SPNS2: variants seen among roughly 807,000 people sequenced by gnomAD.
SPNS2 encodes the protein SPNS lysolipid transporter 2, sphingosine-1-phosphate.
A neutral mutation model predicts 57.6 loss-of-function variants in SPNS2; 37 were observed. The observed-to-expected ratio is 0.64, with a 90% CI of 0.49 to 0.85. The LOEUF is 0.85. SPNS2 is among the 40% of genes least tolerant of loss of function. SPNS2 has a pLI of 0.00. For missense variants in SPNS2, 831 were observed against 779.1 expected (o/e 1.07, Z -0.79); for synonymous variants, 440 against 346.9 (o/e 1.27, Z -2.98).
chr17:4,522,469 C>T (rs1011812181), intron 2 of SPNS2, among the ~76,000 whole-genome samples: 13 of 152,162 alleles, frequency 8.5e-5, no homozygotes, highest in African/African-American at 3.1e-4. Context: ...CACTCACTGG[C>T]CTGTTCTTGC....
chr17:4,530,332 C>A (rs1905408272), intron 3 of SPNS2, among the ~76,000 whole-genome samples: 1 of 152,162 alleles, frequency 6.6e-6, no homozygotes, highest in African/African-American at 2.4e-5. Context: ...GCTTGTGTCC[C>A]CAGTGCCTAT....
At position 4,536,070 on chromosome 17, in the gene SPNS2, C is replaced by A. The variant is rs1365438887; in HGVS notation, c.1345-6C>A. Reference sequence around the variant, plus strand: ...CTGGCCGCTGACCTGCCCGCCTGTTCCGCAGTACGTGGTCATCCCCACGCG... The same window carrying A: ...CTGGCCGCTGACCTGCCCGCCTGTTACGCAGTACGTGGTCATCCCCACGCG... On this transcript the variant is annotated splice_region_variant and splice_polypyrimidine_tract_variant and intron_variant, in intron 9 of 12. Transcript: ENST00000329078. The A allele has an allele frequency of 6.2e-7, 1 of 1,609,582 alleles. No individual in the cohort carries two copies. Among genetic ancestry groups the A allele is most frequent in the Non-Finnish European group, 8.5e-7 (1 of 1,178,970 alleles).
chr17:4,536,718 C>A (rs1326987166), intron 11 of SPNS2, 182 bp from the exon 12 acceptor site: 2 of 643,566 alleles, frequency 3.1e-6, no homozygotes, highest in South Asian at 3.6e-5. Context: ...TTTCTCCTTT[C>A]CTCTTTACTC....
intron 1 of SPNS2, among the ~76,000 whole-genome samples, chr17:4,506,218 C>T (rs1170153824): frequency 1.3e-5 from 2 of 152,212 alleles, no homozygotes; most frequent in Non-Finnish European, 2.9e-5. Context: ...CGGGGAGCAG[C>T]AGTCCCTGGC....
rs145914749 is a variant in SPNS2, at chr17:4,532,926, G to C, written c.936-51G>C. The C allele has an allele frequency of 2.4e-4, 385 of 1,575,248 alleles. 1 individual carries two copies. The African/African-American group carries it at 4.1e-3, about 17-fold the overall frequency. On this transcript the variant is annotated intron_variant, in intron 6 of 12. Coordinates refer to ENST00000329078, the MANE Select transcript of SPNS2 (RefSeq NM_001124758.3). The stretch of plus-strand genomic sequence containing the variant: ...TCCCCCAGTGCATGGGGCTGCCTAG[G>C]GGGGTGAAGGAGGTCCCTGAGCTCA...
rs752477410 is a variant in SPNS2, at chr17:4,536,395, T to A, written c.1576T>A (p.Phe526Ile). Residue 526 changes from phenylalanine to isoleucine, a missense_variant, in exon 11 of 13, where the codon TTC becomes ATC. By Grantham distance (21) the Phe-to-Ile change is conservative (BLOSUM62 0). Around this residue, in one of 2 missense-constraint regions of SPNS2, gnomAD observed 526 missense variants for 400.9 expected, o/e 1.31. Transcript: ENST00000329078. ...GTTCTTCCTCGCCACTGCGCTCTTC[T>A]TCGTCAGCGACCGCGCCAGGGCTGA... Reference protein sequence around the residue: ...GMFFLATALFFVSDRARAEQQ... With the variant: ...GMFFLATALFIVSDRARAEQQ... 17 of 1,605,616 alleles carry A rather than the reference T, an allele frequency of 1.1e-5. No individual in the cohort carries two copies. The highest frequency in any genetic ancestry group is 1.4e-5 in the Non-Finnish European group (17 of 1,179,616).
At position 4,513,230 on chromosome 17, in the gene SPNS2, C is replaced by G; in HGVS notation, c.371-17C>G. On this transcript the variant is annotated splice_polypyrimidine_tract_variant and intron_variant, in intron 1 of 12. Transcript: ENST00000329078. Reference sequence around the variant, plus strand: ...CCATCAGACTCGGCCAGTGAGCACCCTCTGTCTTCCCTCCAGGCGTCCTTC... The same window carrying G: ...CCATCAGACTCGGCCAGTGAGCACCGTCTGTCTTCCCTCCAGGCGTCCTTC... The G allele has an allele frequency of 6.2e-7, 1 of 1,613,650 alleles. No individual in the cohort carries two copies. Among genetic ancestry groups the G allele is most frequent in the Non-Finnish European group, 8.5e-7 (1 of 1,179,542 alleles).
chr17:4,499,348 C>G lies in SPNS2; in HGVS notation c.301C>G (p.Arg101Gly). The G allele has an allele frequency of 6.9e-7, 1 of 1,451,048 alleles. No individual in the cohort carries two copies. The highest frequency in any genetic ancestry group is 9.0e-7 in the Non-Finnish European group (1 of 1,108,026). 89.9% of individuals were successfully genotyped at this position (1,451,048 alleles called of 1,614,324 possible). Residue 101 changes from arginine (R) to glycine (G), a missense_variant, in exon 1 of 13, where the codon CGG becomes GGG. Physicochemically the swap from Arg to Gly is moderately radical, Grantham distance 125. Coordinates refer to ENST00000329078, the MANE Select transcript of SPNS2 (RefSeq NM_001124758.3). The surrounding 1 kb of genome is among the most constrained non-coding windows in gnomAD (Gnocchi z 5.2). ...CAAACCGGCCAGCTTGGGCCGCGGG[C>G]GGGGGGCAGCCGCCGCCATCCTCAG... Reference protein sequence around the residue: ...QPKPASLGRGRGAAAAILSLG... With the variant: ...QPKPASLGRGGGAAAAILSLG...
At chr17:4,527,253 G>A (rs1567593328) in intron 3 of SPNS2, among the ~76,000 whole-genome samples, 1 of 152,200 alleles carries the variant, frequency 6.6e-6, no homozygotes, top group Admixed American at 6.5e-5. Context: ...AGAACATTGT[G>A]AAAAAATAAC....
At chr17:4,535,956 A>G in intron 9 of SPNS2, 120 bp from the exon 10 acceptor site, 4 of 764,174 alleles carry the variant, frequency 5.2e-6, no homozygotes, top group Non-Finnish European at 8.4e-6. Context: ...AGAGGTGTCA[A>G]GACGTAGGGC....
chr17:4,521,670 G>A (rs9916478), intron 2 of SPNS2, among the ~76,000 whole-genome samples: 130,693 of 152,298 alleles, frequency 0.86, 57,251 homozygotes, highest in Non-Finnish European at 0.94. Flanking sequence ...AAATGATATC[G>A]GCTTACAATT....
chr17:4,520,194 G>A (rs140558887), intron 2 of SPNS2, among the ~76,000 whole-genome samples: 39 of 152,334 alleles, frequency 2.6e-4, no homozygotes, highest in East Asian at 2.5e-3. Context: ...CTAAGGGCAC[G>A]TAGGTGCTTG....
intron 1 of SPNS2, 103 bp from the exon 2 acceptor site, chr17:4,513,144 T>C: frequency 7.6e-7 from 1 of 1,309,914 alleles, no homozygotes; most frequent in Non-Finnish European, 1.1e-6. Context: ...GTGCCGCAGA[T>C]ATGGCCAGGC....
intron 5 of SPNS2, 108 bp from the exon 6 acceptor site, chr17:4,532,434 G>A: frequency 6.6e-7 from 1 of 1,519,518 alleles, no homozygotes; most frequent in South Asian, 1.2e-5. Context: ...CCTGCTCAGA[G>A]GAGAAGCCTA....
At chr17:4,508,794 G>T (rs1272871173) in intron 1 of SPNS2, among the ~76,000 whole-genome samples, 2 of 152,224 alleles carry the variant, frequency 1.3e-5, no homozygotes, top group Admixed American at 1.3e-4. Context: ...TGAGCCAGGG[G>T]TCTGGGCCAG....
intron 1 of SPNS2, among the ~76,000 whole-genome samples, chr17:4,503,771 G>C (rs1391327342): frequency 6.6e-6 from 1 of 152,246 alleles, no homozygotes; most frequent in Non-Finnish European, 1.5e-5. Flanking sequence ...GTTGAGGAAA[G>C]GCAGAGCCTT....
At position 4,532,594 on chromosome 17, in the gene SPNS2, C is replaced by T; in HGVS notation, c.845C>T (p.Pro282Leu). The stretch of plus-strand genomic sequence containing the variant: ...GGAACACTCATCCTCATTCTGGTCC[C>T]AGCCACTAAAAGGGGTCATGCCGAC... Reference protein sequence around the residue: ...ITGTLILILVPATKRGHADQL... With the variant: ...ITGTLILILVLATKRGHADQL... The change falls in exon 6 of 13, where the codon CCA becomes CTA. Residue 282 changes from proline (P) to leucine (L), a missense_variant. Pro to Leu is a moderately conservative substitution (Grantham distance 98). Transcript: ENST00000329078. 6 of 1,614,172 alleles carry T rather than the reference C, an allele frequency of 3.7e-6. No homozygotes were observed. Among genetic ancestry groups the T allele is most frequent in the Non-Finnish European group, 3.4e-6 (4 of 1,180,032 alleles).
In SPNS2 at chr17:4,510,483, G is replaced by A. The variant is rs138510414; in HGVS notation, c.371-2764G>A. Among the ~76,000 whole-genome samples, 668 of 152,300 alleles carry A rather than the reference G, an allele frequency of 4.4e-3. 4 individuals carry two copies. Among genetic ancestry groups the A allele is most frequent in the Middle Eastern group, 0.017 (5 of 294 alleles). On this transcript the variant is annotated intron_variant, in intron 1 of 12. Coordinates refer to ENST00000329078, the MANE Select transcript of SPNS2 (RefSeq NM_001124758.3). This position sits in a 1 kb window ranked among gnomAD's most constrained non-coding sequence, Gnocchi z 4.4. ...GCAAATCCTGGACCTTGAAGTCATC[G>A]GATGGGGAAGTGTGCCGCTGGATAG... is the stretch of plus-strand genomic sequence containing the variant.
chr17:4,533,189 A>G (rs1268418797), intron 7 of SPNS2, 54 bp from the exon 8 acceptor site: 7 of 1,581,406 alleles, frequency 4.4e-6, no homozygotes, highest in South Asian at 1.1e-5. Context: ...AGAGCCCCTC[A>G]GCCTTAGCCC....
Sources: gnomAD v4.1 joint callset for allele counts (sites outside exome capture counted in the v4.1 genomes callset) on GRCh38, gnomAD v4.1.1 for gene constraint, gnomAD v4.1.1 regional missense constraint, Gnocchi (gnomAD v3.1) non-coding constraint, MANE v1.5 for transcripts, NCBI Gene and HGNC (gene_info 2026-07-23, HGNC 2026-07-21) for gene names.